The following TANK variants were observed in gnomAD, a reference collection of about 807,000 sequenced individuals.
TANK encodes TRAF family member-associated NF-kappa-B activator.
Under a neutral mutation model 43.6 loss-of-function variants are expected in TANK, and 15 were observed. The observed-to-expected ratio is 0.34, with a 90% CI of 0.23 to 0.53. TANK has a LOEUF of 0.53. Ranked by LOEUF, TANK falls within the 20% of genes least tolerant of loss-of-function variation. The probability of loss-of-function intolerance (pLI) is 0.94; values close to 1 mark genes in which losing one functional copy is unlikely to be tolerated. For synonymous variants in TANK, 162 were observed against 178.2 expected, an observed-to-expected ratio of 0.91 and a Z score of 0.73; for missense variants, 417 against 498.6, an observed-to-expected ratio of 0.84 and a Z score of 1.56.
Position 161,188,284 on chromosome 2 carries a change from A to G in TANK, c.99+8523A>G, listed in dbSNP as rs1574006678. Among the ~76,000 whole-genome samples the G allele has an allele frequency of 3.9e-5, 6 of 152,174 alleles. No individual in the cohort carries two copies. The East Asian group carries it at 1.2e-3, about 29-fold the overall frequency. On this transcript the variant is annotated intron_variant, in intron 2 of 7. Coordinates refer to ENST00000392749, the MANE Select transcript of TANK (RefSeq NM_001199135.3). ...CTATTTGAAAAGATCAAGAAATGTG[A>G]CAAACCTTTAGTTAGCTTGACTAAA...
chr2:161,203,636 TG>T (rs1174195584), intron 3 of TANK, 41 bp downstream of exon 3: 1 of 1,338,264 alleles, frequency 7.5e-7, no homozygotes, highest in Non-Finnish European at 1.1e-6. Flanking sequence ...TAGAACCTCT[TG>T]GTGAAAAGAA....
At chr2:161,154,209 A>T (rs555559463) in intron 1 of TANK, among the ~76,000 whole-genome samples, 1 of 152,336 alleles carries the variant, frequency 6.6e-6, no homozygotes, top group Admixed American at 6.5e-5. Context: ...GAATCAGATC[A>T]TTCAGTAGAG....
In TANK at chr2:161,170,838, A is replaced by G. The variant is rs79064203; in HGVS notation, c.-49-8776A>G. 3.3e-5 allele frequency among the ~76,000 whole-genome samples: 5 copies of G among 152,308 alleles called. No individual in the cohort carries two copies. In the East Asian group the frequency reaches 9.6e-4, roughly 29 times the overall value. ...CCATCACCAAGCCTGTCTAGACTGG[A>G]CATGTATTGTATACTTCAACTCTGA... On this transcript the variant is annotated intron_variant, in intron 1 of 7. Coordinates refer to ENST00000392749, the MANE Select transcript of TANK (RefSeq NM_001199135.3).
In TANK at chr2:161,224,742, A is replaced by C. The variant is rs1187920540; in HGVS notation, c.516A>C (p.Ala172=). The C allele has an allele frequency of 6.7e-7, 1 of 1,483,734 alleles. No individual in the cohort carries two copies. The allele number at this position is 1,483,734 out of a possible 1,614,324, so 91.9% of individuals were successfully genotyped here. Residue 172 remains alanine (A), a synonymous_variant, in exon 6 of 8, where the codon GCA becomes GCC. Transcript: ENST00000392749. ...GCAAACTTAATATACCAGACACTGCAACTGGTAAGATTTAATTTAATTTAC... is the reference window on the plus strand; with the variant it reads ...GCAAACTTAATATACCAGACACTGCCACTGGTAAGATTTAATTTAATTTAC... ...HLSKLNIPDT[A]TETQCSVPIQ...
rs568557802 is a variant in TANK, at chr2:161,209,913, A to G, written c.327+5120A>G. On this transcript the variant is annotated intron_variant, in intron 4 of 7. Coordinates refer to ENST00000392749, the MANE Select transcript of TANK (RefSeq NM_001199135.3). Reference sequence around the variant, plus strand: ...TATTTCAGATTCTAGGATCCAAAATATGAAGTGAACATGGTATGAGTTCAC... The same window carrying G: ...TATTTCAGATTCTAGGATCCAAAATGTGAAGTGAACATGGTATGAGTTCAC... Among the ~76,000 whole-genome samples, 4 of 152,340 alleles carry G rather than the reference A, an allele frequency of 2.6e-5. 1 individual carries two copies. Among genetic ancestry groups the G allele is most frequent in the South Asian group, 4.1e-4 (2 of 4,832 alleles).
intron 2 of TANK, among the ~76,000 whole-genome samples, chr2:161,195,284 T>C (rs1574018075): frequency 6.6e-6 from 1 of 152,272 alleles, no homozygotes; most frequent in African/African-American, 2.4e-5. Flanking sequence ...GGTGGCACAG[T>C]CTAGTAAAGC....
chr2:161,137,038 A>G (rs1436257243), exon 1 of TANK: 1 of 985,424 alleles, frequency 1.0e-6, no homozygotes. Context: ...TAGTCTACAA[A>G]GGAAGACTTG....
At chr2:161,142,747 A>G (rs575360659) in intron 1 of TANK, among the ~76,000 whole-genome samples, 1 of 152,268 alleles carries the variant, frequency 6.6e-6, no homozygotes, top group African/African-American at 2.4e-5. Flanking sequence ...TTTTGAAGTC[A>G]GGTAGCGTGA....
At chr2:161,228,338 C>A (rs1440398363) in intron 6 of TANK, among the ~76,000 whole-genome samples, 1 of 152,152 alleles carries the variant, frequency 6.6e-6, no homozygotes, top group Non-Finnish European at 1.5e-5. Context: ...TCGAGACCAC[C>A]CTGACCAACA....
At chr2:161,216,814 G>A (rs943505299) in intron 4 of TANK, among the ~76,000 whole-genome samples, 5 of 152,176 alleles carry the variant, frequency 3.3e-5, no homozygotes, top group African/African-American at 4.8e-5. Flanking sequence ...TTCTAGACAA[G>A]AGCCACAATT....
intron 1 of TANK, among the ~76,000 whole-genome samples, chr2:161,171,572 T>C (rs1684940866): frequency 6.6e-6 from 1 of 152,232 alleles, no homozygotes; most frequent in South Asian, 2.1e-4. Context: ...TGCCTGTTCC[T>C]ATTTATCATT....
chr2:161,210,753 T>G (rs1475059958), intron 4 of TANK, among the ~76,000 whole-genome samples: 1 of 151,806 alleles, frequency 6.6e-6, no homozygotes, highest in Non-Finnish European at 1.5e-5. Context: ...GATAAAACAT[T>G]TAGGACCTTA....
At chr2:161,159,388 C>T (rs986845797), upstream of TANK, among the ~76,000 whole-genome samples, 1 of 151,982 alleles carries the variant, frequency 6.6e-6, no homozygotes, top group Non-Finnish European at 1.5e-5. Flanking sequence ...AAACTGCCCT[C>T]AAAAAAAGTT....
At chr2:161,143,236 G>A (rs1683803858) in intron 1 of TANK, among the ~76,000 whole-genome samples, 1 of 152,064 alleles carries the variant, frequency 6.6e-6, no homozygotes, top group Non-Finnish European at 1.5e-5. Flanking sequence ...AGATTATGGG[G>A]TTTTCTAAAT....
intron 2 of TANK, among the ~76,000 whole-genome samples, chr2:161,202,276 G>T (rs534268054): frequency 1.5e-5 from 2 of 136,346 alleles, no homozygotes; most frequent in African/African-American, 5.5e-5. Flanking sequence ...TGCAAGCTCC[G>T]CCTCCCGGGT....
Position 161,229,439 on chromosome 2 carries a change from G to A in TANK, c.521-1532G>A, listed in dbSNP as rs560621736. On this transcript the variant is annotated intron_variant, in intron 6 of 7. Transcript: ENST00000392749. ...AGAATGAAGGGATGGAGGGGAAGTTGCAGTGAAGAGAACAGATTGGATATG... is the reference window on the plus strand; with the variant it reads ...AGAATGAAGGGATGGAGGGGAAGTTACAGTGAAGAGAACAGATTGGATATG... Among the ~76,000 whole-genome samples, 13 of 152,290 alleles carry A rather than the reference G, an allele frequency of 8.5e-5. No individual in the cohort carries two copies. The South Asian group carries it at 2.7e-3, about 32-fold the overall frequency.
intron 2 of TANK, among the ~76,000 whole-genome samples, chr2:161,195,017 C>T (rs542628712): frequency 6.6e-6 from 1 of 152,162 alleles, no homozygotes; most frequent in Non-Finnish European, 1.5e-5. Context: ...CAGTACTTTG[C>T]CAGTAGATTC....
At chr2:161,234,458 C>G (rs575150637) in intron 7 of TANK, among the ~76,000 whole-genome samples, 34 of 152,194 alleles carry the variant, frequency 2.2e-4, no homozygotes, top group Middle Eastern at 3.4e-3. Context: ...AAAATATTTT[C>G]CAGTTAACAG....
intron 7 of TANK, among the ~76,000 whole-genome samples, chr2:161,234,897 T>G (rs1428649322): frequency 6.6e-6 from 1 of 152,234 alleles, no homozygotes; most frequent in Non-Finnish European, 1.5e-5. Flanking sequence ...TGAAATTGAT[T>G]TTGATTAAGA....
Sources: allele counts gnomAD v4.1 joint callset (sites outside exome capture counted in the v4.1 genomes callset), GRCh38; gene constraint gnomAD v4.1.1; transcripts MANE v1.5; gene names NCBI Gene and HGNC (gene_info 2026-07-23, HGNC 2026-07-21).